Variants in RELN observed in about 807,000 individuals in gnomAD.
RELN encodes the protein reelin.
A neutral mutation model predicts 427.6 loss-of-function variants in RELN; 108 were observed. The observed-to-expected ratio is 0.25, with a 90% CI of 0.22 to 0.30. The LOEUF is 0.30. Ranked by LOEUF, RELN falls within the 10% of genes least tolerant of loss-of-function variation. The probability of loss-of-function intolerance (pLI) is 1.00; values close to 1 mark genes in which losing one functional copy is unlikely to be tolerated. For synonymous variants in RELN, 1,524 were observed against 1,513.4 expected (o/e 1.01, Z -0.16); for missense variants, 3,715 against 4,302.8 (o/e 0.86, Z 3.82).
At chr7:103,883,387 C>T (rs190195874) in intron 2 of RELN, among the ~76,000 whole-genome samples, 1 of 152,344 alleles carries the variant, frequency 6.6e-6, no homozygotes, top group Non-Finnish European at 1.5e-5. Context: ...CAAGGATGCC[C>T]TCTCTCACCA....
chr7:103,746,529 G>A (rs1049040090), intron 6 of RELN, among the ~76,000 whole-genome samples: 1 of 151,768 alleles, frequency 6.6e-6, no homozygotes, highest in Non-Finnish European at 1.5e-5. Flanking sequence ...CTGACAAAGG[G>A]CTAATATCCA....
At chr7:103,699,577 T>C (rs1834048924) in intron 9 of RELN, among the ~76,000 whole-genome samples, 2 of 152,130 alleles carry the variant, frequency 1.3e-5, no homozygotes, top group South Asian at 4.1e-4. Flanking sequence ...GTTTCATTGT[T>C]CATCATATCA....
At chr7:103,777,948 AG>A in intron 3 of RELN, among the ~76,000 whole-genome samples, 1 of 151,562 alleles carries the variant, frequency 6.6e-6, no homozygotes, top group African/African-American at 2.4e-5. Flanking sequence ...GAATGGTGGA[AG>A]GGAGATACAA....
At chr7:103,643,650 T>C (rs1400402543) in intron 16 of RELN, among the ~76,000 whole-genome samples, 2 of 152,056 alleles carry the variant, frequency 1.3e-5, no homozygotes, top group African/African-American at 4.8e-5. Context: ...ATGAGAAAAA[T>C]GTCTAATTAT....
intron 1 of RELN, among the ~76,000 whole-genome samples, chr7:103,969,462 C>T (rs561832921): frequency 1.3e-5 from 2 of 152,228 alleles, no homozygotes; most frequent in East Asian, 1.9e-4. Flanking sequence ...TCGTAGATGC[C>T]AGAAATGGCC....
Position 103,652,978 on chromosome 7 carries a change from G to A in RELN, c.1555-219C>T, listed in dbSNP as rs534014556. On this transcript the variant is annotated intron_variant, in intron 13 of 64. Coordinates refer to ENST00000428762, the MANE Select transcript of RELN (RefSeq NM_005045.4). ...GAATTCTTCCTGTGCACGAGGTGGG[G>A]GTCTCTGCGTGTGTTTGATCAGGCT... Among the ~76,000 whole-genome samples, 4 of 152,108 alleles carry A rather than the reference G, an allele frequency of 2.6e-5. No individual in the cohort carries two copies. The South Asian group carries it at 8.3e-4, about 32-fold the overall frequency.
At chr7:103,660,089 A>G (rs1833105886) in intron 12 of RELN, among the ~76,000 whole-genome samples, 1 of 152,212 alleles carries the variant, frequency 6.6e-6, no homozygotes, top group African/African-American at 2.4e-5. Context: ...GAACTTATAT[A>G]ATGATGACTT....
At chr7:103,692,602 T>C (rs1833895506) in intron 10 of RELN, among the ~76,000 whole-genome samples, 1 of 152,026 alleles carries the variant, frequency 6.6e-6, no homozygotes. Context: ...GGAGCTTGCA[T>C]TATCATCCTT....
chr7:103,665,414 C>G (rs764423995), intron 11 of RELN, among the ~76,000 whole-genome samples: 1 of 151,306 alleles, frequency 6.6e-6, no homozygotes, highest in Non-Finnish European at 1.5e-5. Context: ...CTCTTGATAG[C>G]TGAGCTCCCT....
intron 10 of RELN, among the ~76,000 whole-genome samples, chr7:103,686,063 T>G (rs560642272): frequency 6.6e-6 from 1 of 152,322 alleles, no homozygotes; most frequent in African/African-American, 2.4e-5. Flanking sequence ...ATGATCTCCC[T>G]GGGGTCTAAT....
intron 64 of RELN, among the ~76,000 whole-genome samples, chr7:103,474,415 A>G (rs1827959557): frequency 6.6e-6 from 1 of 152,204 alleles, no homozygotes. Flanking sequence ...AAGACATTAT[A>G]GAGAAAAAGA....
intron 1 of RELN, among the ~76,000 whole-genome samples, chr7:103,943,668 T>A (rs1347999515): frequency 5.3e-5 from 8 of 151,848 alleles, no homozygotes; most frequent in Non-Finnish European, 1.2e-4. Context: ...TTGGCCAACA[T>A]GGTGAAACCC....
chr7:103,672,654 T>TC (rs1562950420), intron 11 of RELN, among the ~76,000 whole-genome samples: 1 of 152,140 alleles, frequency 6.6e-6, no homozygotes, highest in Non-Finnish European at 1.5e-5. Flanking sequence ...ATATTTTTTT[T>TC]CCCAATAATA....
At chr7:103,777,106 A>G (rs1791763304) in intron 3 of RELN, among the ~76,000 whole-genome samples, 1 of 152,210 alleles carries the variant, frequency 6.6e-6, no homozygotes, top group Non-Finnish European at 1.5e-5. Flanking sequence ...AGGGCTATTC[A>G]AAGCTTTCAT....
intron 1 of RELN, among the ~76,000 whole-genome samples, chr7:103,970,922 G>GAGGCGGGTGGATCACCTGAGGTC (rs1345896637): frequency 6.6e-6 from 1 of 152,152 alleles, no homozygotes; most frequent in African/African-American, 2.4e-5. Context: ...TTGGGAAGTT[G>GAGGCGGGTGGATCACCTGAGGTC]AGGCGGGTGG....
intron 10 of RELN, among the ~76,000 whole-genome samples, chr7:103,693,959 C>G (rs1466495817): frequency 6.6e-6 from 1 of 152,104 alleles, no homozygotes; most frequent in African/African-American, 2.4e-5. Flanking sequence ...GTTTGCCCAT[C>G]AGTAGCTAAG....
At chr7:103,474,572 C>G (rs1199928629) in intron 64 of RELN, among the ~76,000 whole-genome samples, 2 of 152,016 alleles carry the variant, frequency 1.3e-5, no homozygotes, top group African/African-American at 4.8e-5. Context: ...TTATTAGCTG[C>G]TATAAGTACT....
intron 3 of RELN, among the ~76,000 whole-genome samples, chr7:103,832,763 G>A (rs1000496429): frequency 6.6e-6 from 1 of 152,114 alleles, no homozygotes; most frequent in South Asian, 2.1e-4. Context: ...ACCTGGGAGA[G>A]TTGTTAGTTT....
At chr7:103,619,249 T>C (rs1832158979) in intron 20 of RELN, among the ~76,000 whole-genome samples, 1 of 152,200 alleles carries the variant, frequency 6.6e-6, no homozygotes. Flanking sequence ...ATGTGTCCAC[T>C]GTGAGGTTCA....
Sources: allele counts gnomAD v4.1 joint callset (sites outside exome capture counted in the v4.1 genomes callset), GRCh38; gene constraint gnomAD v4.1.1; transcripts MANE v1.5; gene names NCBI Gene and HGNC (gene_info 2026-07-23, HGNC 2026-07-21).